The following LHFPL2 variants were observed in gnomAD, a reference collection of about 807,000 sequenced individuals.
LHFPL2 encodes the protein LHFPL tetraspan subfamily member 2.
In LHFPL2, 7 loss-of-function variants were observed where a neutral mutation model predicts 17.5. The observed-to-expected ratio is 0.40, with a 90% CI of 0.23 to 0.75. The LOEUF (loss-of-function observed/expected upper bound fraction) is 0.75, where lower values mean the gene tolerates loss of function less well. Ranked by LOEUF, LHFPL2 falls within the 30% of genes least tolerant of loss-of-function variation. The probability of loss-of-function intolerance (pLI) is 0.37; values close to 1 mark genes in which losing one functional copy is unlikely to be tolerated. For missense variants in LHFPL2, 241 were observed against 294.8 expected (o/e 0.82, Z 1.34); for synonymous variants, 134 against 116.2 (o/e 1.15, Z -0.99).
In LHFPL2 at chr5:78,538,571, C is replaced by T. The variant is rs144173440; in HGVS notation, c.-186+26242G>A. On this transcript the variant is annotated intron_variant, in intron 3 of 4. Coordinates refer to ENST00000380345, the MANE Select transcript of LHFPL2 (RefSeq NM_005779.3). ...TATTGCCTCACACCATCCTGTCTTA[C>T]TCATTCCTGCTATCTACCTGAATGT... Among the ~76,000 whole-genome samples, 107 of 152,314 alleles carry T rather than the reference C, an allele frequency of 7.0e-4. 1 individual carries two copies. Among genetic ancestry groups the T allele is most frequent in the Admixed American group, 2.0e-3 (30 of 15,308 alleles).
At chr5:78,497,912 T>G (rs1250371104) in intron 4 of LHFPL2, among the ~76,000 whole-genome samples, 1 of 152,252 alleles carries the variant, frequency 6.6e-6, no homozygotes, top group Admixed American at 6.5e-5. Context: ...AGCCTGAGTC[T>G]AGGCTCAGAT....
intron 3 of LHFPL2, among the ~76,000 whole-genome samples, chr5:78,537,905 C>T (rs1232249172): frequency 6.6e-6 from 1 of 152,168 alleles, no homozygotes; most frequent in Non-Finnish European, 1.5e-5. Context: ...TAGGGGAAAC[C>T]TGGAAATGGC....
chr5:78,546,474 C>T (rs775073343), intron 3 of LHFPL2, among the ~76,000 whole-genome samples: 1 of 152,216 alleles, frequency 6.6e-6, no homozygotes, highest in Non-Finnish European at 1.5e-5. Context: ...CTTCCCCATG[C>T]ATGAAACAGG....
chr5:78,502,730 T>C (rs899482982), intron 4 of LHFPL2, among the ~76,000 whole-genome samples: 2 of 152,182 alleles, frequency 1.3e-5, no homozygotes, highest in East Asian at 1.9e-4. Context: ...ATGGAATTTC[T>C]AGGACAAGTA....
intron 4 of LHFPL2, among the ~76,000 whole-genome samples, chr5:78,491,574 G>A (rs186970831): frequency 1.3e-5 from 2 of 152,318 alleles, no homozygotes; most frequent in African/African-American, 2.4e-5. Flanking sequence ...CAGAAATATG[G>A]TGGACCACAG....
chr5:78,540,337 T>C (rs1056863049), intron 3 of LHFPL2, among the ~76,000 whole-genome samples: 1 of 152,248 alleles, frequency 6.6e-6, no homozygotes, highest in Non-Finnish European at 1.5e-5. Flanking sequence ...CTGTCTGGGC[T>C]GCAGCATTTT....
In LHFPL2 at chr5:78,509,679, GTCT is replaced by G. The variant is rs1405992004; in HGVS notation, c.430+102_430+104del. Reference sequence around the variant, plus strand: ...AGGAAACCTGAATAGACAGAAAGTGGTCTTCTCCAAAACTAGCAGGAAGCGAAT... The same window carrying G: ...AGGAAACCTGAATAGACAGAAAGTGGTCTCCAAAACTAGCAGGAAGCGAAT... On this transcript the variant is annotated intron_variant, in intron 4 of 4. Coordinates refer to ENST00000380345, the MANE Select transcript of LHFPL2 (RefSeq NM_005779.3). 2.0e-5 allele frequency: 24 copies of G among 1,171,802 alleles called. No individual in the cohort carries two copies. The East Asian group carries it at 5.6e-4, about 28-fold the overall frequency. The allele number at this position is 1,171,802 out of a possible 1,614,324, so 72.6% of individuals were successfully genotyped here. A position where few individuals can be genotyped will look rare whatever the true frequency, so the allele number is the denominator to read the frequency against.
intron 3 of LHFPL2, among the ~76,000 whole-genome samples, chr5:78,550,070 T>G (rs1465157671): frequency 1.3e-5 from 2 of 152,234 alleles, no homozygotes; most frequent in African/African-American, 4.8e-5. Flanking sequence ...ATTCCACGTT[T>G]GAAATTCAAT....
At chr5:78,500,521 C>A (rs1332090575) in intron 4 of LHFPL2, among the ~76,000 whole-genome samples, 1 of 152,032 alleles carries the variant, frequency 6.6e-6, no homozygotes, top group African/African-American at 2.4e-5. Flanking sequence ...TTCCTTCCAC[C>A]CAGGAAGAGT....
intron 2 of LHFPL2, among the ~76,000 whole-genome samples, chr5:78,620,592 G>T (rs1225517865): frequency 6.6e-6 from 1 of 152,110 alleles, no homozygotes; most frequent in Non-Finnish European, 1.5e-5. Flanking sequence ...CATTTATTTG[G>T]TAAGGTCTAG....
At position 78,510,234 on chromosome 5, in the gene LHFPL2, AAG is replaced by A. The variant is rs1755070994; in HGVS notation, c.-23_-22del. ...CACATATTGATGTTCCGGGCGAAGAAAGAGTCAGGAGTCCACGGAGTTAATCA... is the reference window on the plus strand; with the variant it reads ...CACATATTGATGTTCCGGGCGAAGAAAGTCAGGAGTCCACGGAGTTAATCA... On this transcript the variant is annotated 5_prime_UTR_variant, in exon 4 of 5. Transcript: ENST00000380345. 5 of 1,562,474 alleles carry A rather than the reference AAG, an allele frequency of 3.2e-6. No homozygotes were observed. The highest frequency in any genetic ancestry group is 1.4e-5 in the African/African-American group (1 of 73,088).
chr5:78,509,642 C>A lies in LHFPL2; in HGVS notation c.430+142G>T. The A allele has an allele frequency of 3.7e-6, 3 of 810,352 alleles. No homozygotes were observed. The South Asian group carries it at 5.1e-5, about 14-fold the overall frequency. The allele number at this position is 810,352 out of a possible 1,614,324, so 50.2% of individuals were successfully genotyped here. On this transcript the variant is annotated intron_variant, in intron 4 of 4. Coordinates refer to ENST00000380345, the MANE Select transcript of LHFPL2 (RefSeq NM_005779.3). The stretch of plus-strand genomic sequence containing the variant: ...AGCAGCACACAAACGTCGCCTAGAA[C>A]GGAAGGGGCAAAGGAAACCTGAATA...
rs554619926 is a variant in LHFPL2 at position 78,492,212 on chromosome 5, CTG to C, written c.431-3061_431-3060del. 3.3e-5 allele frequency among the ~76,000 whole-genome samples: 5 copies of C among 152,330 alleles called. No individual in the cohort carries two copies. In the South Asian group the frequency reaches 1.0e-3, roughly 32 times the overall value. Reference sequence around the variant, plus strand: ...GTGCTGTAGCCTCTGCCCTAAAGCTCTGAGTGTAGGCCTGAGGTGAGGCAGCA... The same window carrying C: ...GTGCTGTAGCCTCTGCCCTAAAGCTCAGTGTAGGCCTGAGGTGAGGCAGCA... On this transcript the variant is annotated intron_variant, in intron 4 of 4. Coordinates refer to ENST00000380345, the MANE Select transcript of LHFPL2 (RefSeq NM_005779.3).
intron 3 of LHFPL2, among the ~76,000 whole-genome samples, chr5:78,545,601 G>T (rs1168791149): frequency 1.3e-5 from 2 of 152,202 alleles, no homozygotes; most frequent in Admixed American, 1.3e-4. Flanking sequence ...TGTTTAAAAA[G>T]ACTTGGTGTG....
At chr5:78,644,628 TTC>T in intron 1 of LHFPL2, 1 of 357,328 alleles carries the variant, frequency 2.8e-6, no homozygotes. Flanking sequence ...AGGTTTTCAT[TTC>T]TCTTTCATAA....
intron 2 of LHFPL2, among the ~76,000 whole-genome samples, chr5:78,585,009 T>TG (rs1561352407): frequency 5.7e-5 from 3 of 52,876 alleles, no homozygotes; most frequent in African/African-American, 1.7e-4. Context: ...TTTTTTTTTT[T>TG]TTTTTTTTTT....
At chr5:78,584,537 G>A (rs1017121774) in intron 2 of LHFPL2, among the ~76,000 whole-genome samples, 8 of 151,166 alleles carry the variant, frequency 5.3e-5, no homozygotes, top group Admixed American at 6.6e-5. Context: ...TTGGAGTACC[G>A]GGCCGTGTGA....
At chr5:78,524,008 TCAGA>T (rs887493339) in intron 3 of LHFPL2, among the ~76,000 whole-genome samples, 1 of 152,062 alleles carries the variant, frequency 6.6e-6, no homozygotes, top group Non-Finnish European at 1.5e-5. Context: ...TGCCAGGAGT[TCAGA>T]CAAACAGGAA....
At chr5:78,581,751 C>G (rs140822002) in intron 2 of LHFPL2, among the ~76,000 whole-genome samples, 77 of 147,140 alleles carry the variant, frequency 5.2e-4, no homozygotes, top group South Asian at 8.6e-4. Flanking sequence ...CTAAAATTCT[C>G]TTTTTTGGTT....
Sources: allele counts gnomAD v4.1 joint callset (sites outside exome capture counted in the v4.1 genomes callset), GRCh38; gene constraint gnomAD v4.1.1; transcripts MANE v1.5; gene names NCBI Gene and HGNC (gene_info 2026-07-23, HGNC 2026-07-21).